The following CDKL5 variants were observed in gnomAD, a reference collection of about 807,000 sequenced individuals.
CDKL5 encodes cyclin-dependent kinase-like 5.
In CDKL5, 8 loss-of-function variants were observed where a neutral mutation model predicts 61.7. The ratio of observed to expected loss-of-function variants is 0.13; its 90% confidence interval spans 0.08 to 0.23. CDKL5 has a LOEUF of 0.23. Ranked by LOEUF, CDKL5 falls within the 10% of genes least tolerant of loss-of-function variation. The probability of loss-of-function intolerance (pLI) is 1.00; values close to 1 mark genes in which losing one functional copy is unlikely to be tolerated. For synonymous variants in CDKL5, 275 were observed against 272.3 expected (o/e 1.01, Z -0.10); for missense variants, 440 against 734.5 (o/e 0.60, Z 4.63).
downstream of CDKL5, chrX:18,641,202 G>C (rs1414488699): frequency 9.0e-6 from 1 of 111,722 alleles, no homozygotes; most frequent in African/African-American, 3.3e-5. Flanking sequence ...TGGTCATTTG[G>C]GGTCCCTACA....
At chrX:18,617,522 C>A in intron 15 of CDKL5, among the ~76,000 whole-genome samples, 1 of 112,475 alleles carries the variant, frequency 8.9e-6, no homozygotes. Flanking sequence ...ATAACTCATT[C>A]TGCATTCCTT....
chrX:18,497,481 C>T (rs1002649798), intron 1 of CDKL5: 7 of 111,031 alleles, frequency 6.3e-5, no homozygotes, highest in Non-Finnish European at 1.1e-4. Context: ...CTTGAACTTC[C>T]GAGAGAGAGA....
chrX:18,429,054 G>A (rs953301284), intron 1 of CDKL5, among the ~76,000 whole-genome samples: 9 of 110,695 alleles, frequency 8.1e-5, no homozygotes, highest in African/African-American at 9.9e-5. Flanking sequence ...CAAAGATCTG[G>A]CCTCATTTCT....
chrX:18,625,145 C>T lies in CDKL5; in HGVS notation c.2394C>T (p.Ser798=), dbSNP rs757497935. Residue 798 remains serine, a synonymous_variant, in exon 17 of 18, where the codon AGC becomes AGT. Transcript: ENST00000623535. ...KKSQTVPNSD[S]PDLLTLQKSI... ...TGCTCTAGGTACCCAATTCCGACAG[C>T]CCTGATCTTCTGACGTTGCAGAAAT... 3 of 1,207,773 alleles carry T rather than the reference C, an allele frequency of 2.5e-6. No individual in the cohort carries two copies. The highest frequency in any genetic ancestry group is 2.2e-6 in the Non-Finnish European group (2 of 893,213).
intron 2 of CDKL5, 92 bp from the exon 3 acceptor site, chrX:18,510,728 G>A: frequency 1.4e-6 from 1 of 711,873 alleles, no homozygotes. Flanking sequence ...CACTTTAGTA[G>A]TCATTATTAT....
intron 3 of CDKL5, among the ~76,000 whole-genome samples, chrX:18,511,538 G>A: frequency 9.0e-6 from 1 of 111,444 alleles, no homozygotes; most frequent in Non-Finnish European, 1.9e-5. Flanking sequence ...ACTTATCATT[G>A]ACTATGGTAC....
At chrX:18,515,317 G>A (rs2035494014) in intron 3 of CDKL5, among the ~76,000 whole-genome samples, 1 of 111,971 alleles carries the variant, frequency 8.9e-6, no homozygotes. Flanking sequence ...GGAAAGTGGT[G>A]ATTCATGTAA....
In CDKL5 at chrX:18,490,344, C is replaced by T. The variant is rs184773266; in HGVS notation, c.-162-16591C>T. 7.3e-4 allele frequency among the ~76,000 whole-genome samples: 81 copies of T among 110,861 alleles called. No homozygotes were observed. In the South Asian group the frequency reaches 0.02, roughly 27 times the overall value. On this transcript the variant is annotated intron_variant, in intron 1 of 17. Transcript: ENST00000623535. Reference sequence around the variant, plus strand: ...GGACCTGGGACTTGTGACAGGAATCCGAAGTGAGGGCAGTTTTGTGAGACT... The same window carrying T: ...GGACCTGGGACTTGTGACAGGAATCTGAAGTGAGGGCAGTTTTGTGAGACT...
intron 1 of CDKL5, among the ~76,000 whole-genome samples, chrX:18,492,425 C>T (rs1221747066): frequency 9.0e-6 from 1 of 111,286 alleles, no homozygotes. Context: ...TCTATTTTTC[C>T]TGTAGTTTGT....
At chrX:18,648,344 C>T (rs966315038) in intron 20 of CDKL5, among the ~76,000 whole-genome samples, 53 of 110,566 alleles carry the variant, frequency 4.8e-4, no homozygotes, top group African/African-American at 1.4e-3. Flanking sequence ...TGGGCTCAAG[C>T]GATCCTGCCA....
At chrX:18,598,987 A>C (rs760363330) in intron 11 of CDKL5, among the ~76,000 whole-genome samples, 8 of 112,019 alleles carry the variant, frequency 7.1e-5, no homozygotes, top group Non-Finnish European at 1.3e-4. Context: ...AGAGGATGCC[A>C]AACACAGATG....
intron 13 of CDKL5, among the ~76,000 whole-genome samples, 182 bp from the exon 14 acceptor site, chrX:18,609,283 A>C (rs1926463321): frequency 1.8e-5 from 2 of 110,600 alleles, no homozygotes; most frequent in Non-Finnish European, 3.8e-5. Context: ...AGTCCCAGCT[A>C]CTCGGGAGGC....
intron 3 of CDKL5, among the ~76,000 whole-genome samples, chrX:18,552,237 C>CA (rs777290725): frequency 0.039 from 1,503 of 38,311 alleles, 25 homozygotes; most frequent in Middle Eastern, 0.15. Flanking sequence ...GACTCCGTCT[C>CA]AAAAAAAAAA....
rs754963806 is a variant in CDKL5, at chrX:18,604,058, A to G, written c.1134A>G (p.Pro378=). The stretch of plus-strand genomic sequence containing the variant: ...ACCTTGCTGGAGCTAGTCTTAGTCC[A>G]CTGCACACCAAAACCTACCAAGCAA... ...NGNLAGASLS[P]LHTKTYQASS... The change falls in exon 12 of 18, where the codon CCA becomes CCG. Residue 378 remains proline, a synonymous_variant. Transcript: ENST00000623535. 1 of 1,211,431 alleles carries G rather than the reference A, an allele frequency of 8.3e-7. No homozygotes were observed. The highest frequency in any genetic ancestry group is 3.0e-5 in the East Asian group (1 of 33,822).
intron 1 of CDKL5, among the ~76,000 whole-genome samples, chrX:18,427,494 G>C (rs2147611826): frequency 9.1e-6 from 1 of 109,976 alleles, no homozygotes; most frequent in East Asian, 2.8e-4. Context: ...ACTAAATAAA[G>C]TTAACCATTC....
At chrX:18,426,464 C>T (rs1474473057) in intron 1 of CDKL5, 1 of 112,544 alleles carries the variant, frequency 8.9e-6, no homozygotes, top group Non-Finnish European at 1.9e-5. Flanking sequence ...GAACATATTT[C>T]AGTGTAAAGG....
In CDKL5 at chrX:18,632,654, G is replaced by A. The variant is rs769209514; in HGVS notation, c.*3897G>A. On this transcript the variant is annotated 3_prime_UTR_variant, in exon 18 of 18. Transcript: ENST00000623535. ...AAACATGCTTTAAGATTCACCTTAC[G>A]CAGTTGTACTTTAATTCTAAGCTCA... 232 of 752,403 alleles carry A rather than the reference G, an allele frequency of 3.1e-4. 1 individual carries two copies. In the African/African-American group the frequency reaches 4.4e-3, roughly 14 times the overall value. The allele number at this position is 752,403 out of a possible 1,213,427, so 62.0% of individuals were successfully genotyped here.
downstream of CDKL5, chrX:18,644,352 A>G (rs772243098): frequency 1.8e-5 from 16 of 898,877 alleles, no homozygotes; most frequent in Non-Finnish European, 2.6e-5. Flanking sequence ...GACAGAGGGC[A>G]GTGACAGGAG....
At chrX:18,430,820 C>T (rs1357845162) in intron 1 of CDKL5, among the ~76,000 whole-genome samples, 1 of 109,637 alleles carries the variant, frequency 9.1e-6, no homozygotes, top group Non-Finnish European at 1.9e-5. Context: ...CTATTTAAAG[C>T]TTCTTGTGAT....
Sources: gnomAD v4.1 joint callset for allele counts (sites outside exome capture counted in the v4.1 genomes callset) on GRCh38, gnomAD v4.1.1 for gene constraint, MANE v1.5 for transcripts, NCBI Gene and HGNC (gene_info 2026-07-23, HGNC 2026-07-21) for gene names.